GRIP1: variants seen among roughly 807,000 people sequenced by gnomAD.
GRIP1 encodes the protein glutamate receptor-interacting protein 1.
In GRIP1, 45 loss-of-function variants were observed where a neutral mutation model predicts 129.9. The observed-to-expected ratio is 0.35, with a 90% CI of 0.27 to 0.44. The LOEUF is 0.44. Ranked by LOEUF, GRIP1 falls within the 20% of genes least tolerant of loss-of-function variation. The pLI is 1.00. For synonymous variants in GRIP1, 530 were observed against 520.8 expected (o/e 1.02, Z -0.24); for missense variants, 1,196 against 1,396.8 (o/e 0.86, Z 2.29).
At chr12:66,573,597 G>A (rs12303641) in intron 2 of GRIP1, among the ~76,000 whole-genome samples, 10,081 of 152,180 alleles carry the variant, frequency 0.066, 1,142 homozygotes, top group African/African-American at 0.23. Context: ...CGGCATTCAA[G>A]TAAGGCAGGC....
intron 1 of GRIP1, among the ~76,000 whole-genome samples, chr12:66,745,036 G>A (rs188555032): frequency 2.6e-5 from 4 of 152,138 alleles, no homozygotes; most frequent in East Asian, 3.9e-4. Flanking sequence ...CATTTTACAC[G>A]TCACCTGATG....
chr12:66,712,676 C>T (rs945717625), intron 1 of GRIP1, among the ~76,000 whole-genome samples: 3 of 151,992 alleles, frequency 2.0e-5, no homozygotes, highest in Non-Finnish European at 4.4e-5. Flanking sequence ...ATTATAGGCT[C>T]ATCCTTTGCC....
intron 1 of GRIP1, among the ~76,000 whole-genome samples, chr12:66,969,194 G>A (rs890551512): frequency 6.6e-6 from 1 of 152,042 alleles, no homozygotes; most frequent in African/African-American, 2.4e-5. Flanking sequence ...TATAGACTTT[G>A]TGGAATTTAT....
At position 66,826,991 on chromosome 12, in the gene GRIP1, G is replaced by A. The variant is rs142484799; in HGVS notation, c.59-230064C>T. 1.7e-4 allele frequency among the ~76,000 whole-genome samples: 26 copies of A among 152,272 alleles called. No homozygotes were observed. The East Asian group carries it at 5.0e-3, about 29-fold the overall frequency. ...TTTTCAAAGCAGCAGCTTGCCTAAT[G>A]TCTAAGATTTCTCTCTCTTTCTTCC... On this transcript the variant is annotated intron_variant, in intron 1 of 1. Transcript: ENST00000643019.
intron 5 of GRIP1, among the ~76,000 whole-genome samples, chr12:66,519,906 C>T (rs989370728): frequency 2.0e-5 from 3 of 152,124 alleles, no homozygotes; most frequent in African/African-American, 7.2e-5. Flanking sequence ...CCTATCAGTC[C>T]AACTCATCTC....
chr12:66,451,580 T>G (rs1261381547), intron 11 of GRIP1, among the ~76,000 whole-genome samples: 1 of 151,912 alleles, frequency 6.6e-6, no homozygotes, highest in African/African-American at 2.4e-5. Flanking sequence ...ATTTTTTCTT[T>G]TCTCTTTTTT....
intron 2 of GRIP1, among the ~76,000 whole-genome samples, chr12:66,589,844 C>T (rs73125083): frequency 0.011 from 1,669 of 152,168 alleles, 17 homozygotes; most frequent in Non-Finnish European, 0.017. Flanking sequence ...TATTAATAGG[C>T]CCAACTTCTC....
At chr12:67,010,660 T>A (rs1049966136) in intron 1 of GRIP1, among the ~76,000 whole-genome samples, 1 of 152,060 alleles carries the variant, frequency 6.6e-6, no homozygotes, top group Admixed American at 6.6e-5. Flanking sequence ...TTTGAAAGAA[T>A]AGGCCAGTGA....
At chr12:66,819,876 T>C (rs2136980569) in intron 1 of GRIP1, among the ~76,000 whole-genome samples, 1 of 152,340 alleles carries the variant, frequency 6.6e-6, no homozygotes, top group Middle Eastern at 3.4e-3. Flanking sequence ...CTTACTGGAA[T>C]GGAAACCAAA....
intron 1 of GRIP1, among the ~76,000 whole-genome samples, chr12:66,903,831 G>C (rs1325406016): frequency 6.6e-6 from 1 of 152,190 alleles, no homozygotes; most frequent in Non-Finnish European, 1.5e-5. Flanking sequence ...ATCTGCACTT[G>C]CCACACTTAA....
chr12:67,000,381 C>A (rs1191468100), intron 1 of GRIP1, among the ~76,000 whole-genome samples: 1 of 152,066 alleles, frequency 6.6e-6, no homozygotes, highest in East Asian at 1.9e-4. Context: ...AGCTAAATAA[C>A]AGGAAAAATA....
At chr12:66,951,164 A>G (rs2041750650) in intron 1 of GRIP1, among the ~76,000 whole-genome samples, 2 of 152,226 alleles carry the variant, frequency 1.3e-5, no homozygotes, top group Non-Finnish European at 2.9e-5. Flanking sequence ...GTTAAATGCT[A>G]TGAAGTCTGA....
At chr12:67,055,843 T>A (rs1247678869) in intron 1 of GRIP1, among the ~76,000 whole-genome samples, 2 of 152,128 alleles carry the variant, frequency 1.3e-5, no homozygotes, top group Non-Finnish European at 2.9e-5. Context: ...GTCTGGGGTG[T>A]GTCTACAGAA....
chr12:66,841,153 C>T (rs2039708806), intron 1 of GRIP1, among the ~76,000 whole-genome samples: 1 of 152,146 alleles, frequency 6.6e-6, no homozygotes, highest in Non-Finnish European at 1.5e-5. Flanking sequence ...GGAAAATCCT[C>T]AGGGTGGAAG....
intron 1 of GRIP1, among the ~76,000 whole-genome samples, chr12:66,968,288 A>T (rs1011912561): frequency 6.6e-6 from 1 of 152,130 alleles, no homozygotes; most frequent in African/African-American, 2.4e-5. Flanking sequence ...ATTGGTGTTA[A>T]CATACTGTAT....
In GRIP1 at chr12:66,874,634, C is replaced by A. The variant is rs1303445682; in HGVS notation, c.58+194416G>T. The stretch of plus-strand genomic sequence containing the variant: ...GAGCTAGCACTTCACATGGCCGGAG[C>A]AGAAGGAAGAGAGAGAGAGACGCGG... On this transcript the variant is annotated intron_variant, in intron 1 of 1. Coordinates refer to the GRIP1 transcript ENST00000643019. Among the ~76,000 whole-genome samples, 2 of 151,970 alleles carry A rather than the reference C, an allele frequency of 1.3e-5. 1 individual carries two copies. Among genetic ancestry groups the A allele is most frequent in the South Asian group, 4.1e-4 (2 of 4,824 alleles).
intron 7 of GRIP1, among the ~76,000 whole-genome samples, chr12:66,513,876 C>G (rs552896944): frequency 6.8e-4 from 104 of 152,256 alleles, no homozygotes; most frequent in African/African-American, 2.4e-3. Context: ...GAGGGCTCTT[C>G]CCTAAAATGG....
chr12:66,894,107 T>C (rs12579088), intron 1 of GRIP1, among the ~76,000 whole-genome samples: 33,126 of 152,162 alleles, frequency 0.22, 4,301 homozygotes, highest in East Asian at 0.3. Context: ...TGCTTCCTCA[T>C]CCATAAGGTC....
intron 2 of GRIP1, among the ~76,000 whole-genome samples, chr12:66,557,487 G>T (rs999391131): frequency 6.6e-6 from 1 of 152,076 alleles, no homozygotes; most frequent in Non-Finnish European, 1.5e-5. Flanking sequence ...TGGTATCTAC[G>T]GAACATTTTA....
Sources: allele counts gnomAD v4.1 joint callset (sites outside exome capture counted in the v4.1 genomes callset), GRCh38; gene constraint gnomAD v4.1.1; transcripts MANE v1.5; gene names NCBI Gene and HGNC (gene_info 2026-07-23, HGNC 2026-07-21).